Variants in C7 observed in about 807,000 individuals in gnomAD.
C7 encodes the protein complement C7.
A neutral mutation model predicts 104.8 loss-of-function variants in C7; 83 were observed. That is an observed-to-expected ratio of 0.79 (90% CI 0.66 to 0.95). The LOEUF is 0.95. Among genes scored for constraint, C7 ranks in the 40% least tolerant of loss-of-function variants. The probability of loss-of-function intolerance (pLI) is 0.00; values close to 1 mark genes in which losing one functional copy is unlikely to be tolerated. For missense variants in C7, 1,070 were observed against 1,011.2 expected (o/e 1.06, Z -0.79); for synonymous variants, 415 against 360.6 (o/e 1.15, Z -1.71).
chr5:40,971,119 T>G (rs1740689819), intron 14 of C7, among the ~76,000 whole-genome samples: 1 of 152,186 alleles, frequency 6.6e-6, no homozygotes. Context: ...GATTGCTGGG[T>G]CAAATGGTAT....
chr5:40,928,610 A>G lies in C7; in HGVS notation c.37A>G (p.Ile13Val), dbSNP rs763051988. 6.4e-7 allele frequency: 1 copy of G among 1,553,316 alleles called. No homozygotes were observed. Among genetic ancestry groups the G allele is most frequent in the South Asian group, 1.2e-5 (1 of 83,088 alleles). Reference sequence around the variant, plus strand: ...AAGCTTATTCATTTTGGTGGGATTTATAGGAGAGTTCCAAAGTTTTTCAAG... The same window carrying G: ...AAGCTTATTCATTTTGGTGGGATTTGTAGGAGAGTTCCAAAGTTTTTCAAG... ...VISLFILVGF[I>V]GEFQSFSSAS... Residue 13 changes from isoleucine (I) to valine (V), a missense_variant, in exon 2 of 18, where the codon ATA becomes GTA. By Grantham distance (29) the Ile-to-Val change is conservative. Transcript: ENST00000313164.
chr5:40,914,995 T>C (rs140996954), intron 1 of C7, among the ~76,000 whole-genome samples: 2 of 152,210 alleles, frequency 1.3e-5, no homozygotes, highest in African/African-American at 4.8e-5. Flanking sequence ...GAGAGAGTGC[T>C]TGACTGCAGG....
chr5:40,958,180 G>GGGA lies in C7; in HGVS notation c.1409_1411dup (p.Gly470_Thr471insArg). ...AAATGGTGGTTTGGCTACTGTTGAG[G>GGGA]GGACCCATTGTCTGTGCCATTGCAA... On this transcript the variant is annotated inframe_insertion, in exon 11 of 18. Transcript: ENST00000313164. 6.2e-7 allele frequency: 1 copy of GGGA among 1,613,774 alleles called. No individual in the cohort carries two copies. Among genetic ancestry groups the GGGA allele is most frequent in the South Asian group, 1.1e-5 (1 of 91,068 alleles).
chr5:40,949,804 C>T, intron 8 of C7, 100 bp from the exon 9 acceptor site: 2 of 725,056 alleles, frequency 2.8e-6, no homozygotes, highest in East Asian at 5.4e-5. Context: ...GATTAGATGG[C>T]CATAGTAGCA....
intron 6 of C7, 67 bp downstream of exon 6, chr5:40,937,757 T>C: frequency 7.7e-7 from 1 of 1,299,456 alleles, no homozygotes; most frequent in Non-Finnish European, 1.0e-6. Flanking sequence ...GATATTGACT[T>C]TTACGTATTT....
At chr5:40,930,312 TCTC>T (rs1739654457) in intron 2 of C7, among the ~76,000 whole-genome samples, 1 of 150,168 alleles carries the variant, frequency 6.7e-6, no homozygotes, top group Non-Finnish European at 1.5e-5. Context: ...TTCAAGCAAT[TCTC>T]CTGTCTCAGC....
At chr5:40,968,586 ATATATATATATATAT>A (rs1255187293) in intron 14 of C7, among the ~76,000 whole-genome samples, 46 of 76,446 alleles carry the variant, frequency 6.0e-4, no homozygotes, top group Admixed American at 8.5e-4. Flanking sequence ...ATATATATAT[ATATATATATATATAT>A]TTTTTTTTTT....
chr5:40,965,732 C>T (rs1385475862), intron 14 of C7, among the ~76,000 whole-genome samples: 2 of 151,198 alleles, frequency 1.3e-5, no homozygotes, highest in African/African-American at 4.9e-5. Flanking sequence ...ACCTCCACAT[C>T]CCAGGTTCAT....
At chr5:40,971,107 G>A (rs1407447760) in intron 14 of C7, among the ~76,000 whole-genome samples, 4 of 152,114 alleles carry the variant, frequency 2.6e-5, no homozygotes, top group Admixed American at 2.6e-4. Context: ...ACCCAGTAAC[G>A]GGATTGCTGG....
At chr5:40,940,208 C>G (rs1739906453) in intron 6 of C7, among the ~76,000 whole-genome samples, 1 of 152,192 alleles carries the variant, frequency 6.6e-6, no homozygotes, top group Non-Finnish European at 1.5e-5. Flanking sequence ...CGGCCAGTCT[C>G]TCTTATAATC....
chr5:40,979,588 G>C, intron 16 of C7, 137 bp from the exon 17 acceptor site: 3 of 623,682 alleles, frequency 4.8e-6, no homozygotes, highest in Non-Finnish European at 7.8e-6. Flanking sequence ...GGGGATTTGA[G>C]TTTCCACCTT....
chr5:40,956,345 T>C (rs2111657860), intron 10 of C7, among the ~76,000 whole-genome samples: 1 of 152,294 alleles, frequency 6.6e-6, no homozygotes, highest in South Asian at 2.1e-4. Context: ...CGACAGACAT[T>C]TGTAACAGCA....
chr5:40,926,242 C>A, intron 1 of C7, among the ~76,000 whole-genome samples: 1 of 152,150 alleles, frequency 6.6e-6, no homozygotes, highest in East Asian at 1.9e-4. Context: ...AAGTTAGGTA[C>A]AGAAGAAAAG....
rs190908138 is a variant in C7 at position 40,925,486 on chromosome 5, C to A, written c.7-3094C>A. ...AAATTTCAAGTTTTCTTTCATTTTT[C>A]TATCTTCTTTGGAGCCCTCCAAACT... On this transcript the variant is annotated intron_variant, in intron 1 of 17. Transcript: ENST00000313164. 9.1e-4 allele frequency among the ~76,000 whole-genome samples: 138 copies of A among 152,268 alleles called. 1 individual carries two copies. Among genetic ancestry groups the A allele is most frequent in the African/African-American group, 3.2e-3 (133 of 41,558 alleles).
rs892360335 is a variant in C7, at chr5:40,949,927, A to C, written c.1006A>C (p.Lys336Gln). ...QNDFNSVEEK[K>Q]CKSSGWHFVV... ...AGATTTTAATTCAGTCGAAGAAAAGAAATGTAAATCCTCAGGTTGGCATTT... is the reference window on the plus strand; with the variant it reads ...AGATTTTAATTCAGTCGAAGAAAAGCAATGTAAATCCTCAGGTTGGCATTT... Residue 336 changes from lysine (K) to glutamine (Q), a missense_variant, in exon 9 of 18, where the codon AAA becomes CAA. Physicochemically the swap from Lys to Gln is moderately conservative, Grantham distance 53. Coordinates refer to ENST00000313164, the MANE Select transcript of C7 (RefSeq NM_000587.4). 2 of 1,593,968 alleles carry C rather than the reference A, an allele frequency of 1.3e-6. No individual in the cohort carries two copies. The highest frequency in any genetic ancestry group is 2.7e-5 in the African/African-American group (2 of 74,632).
At chr5:40,918,336 G>A (rs759294079) in intron 1 of C7, among the ~76,000 whole-genome samples, 3 of 151,728 alleles carry the variant, frequency 2.0e-5, no homozygotes, top group Non-Finnish European at 4.4e-5. Context: ...CTCCAGCCTG[G>A]GCAAGAGAGG....
At chr5:40,928,906 T>G (rs1739614386) in intron 2 of C7, among the ~76,000 whole-genome samples, 3 of 152,238 alleles carry the variant, frequency 2.0e-5, no homozygotes, top group Admixed American at 6.5e-5. Flanking sequence ...TGGTTTTATC[T>G]GTAATGCAGA....
intron 10 of C7, among the ~76,000 whole-genome samples, 185 bp from the exon 11 acceptor site, chr5:40,957,846 TAA>T (rs541893563): frequency 3.6e-3 from 548 of 151,688 alleles, no homozygotes; most frequent in Middle Eastern, 0.014. Flanking sequence ...TAATTTTCCC[TAA>T]GTTTGTCTTG....
At chr5:40,953,268 T>A (rs1740215609) in intron 9 of C7, among the ~76,000 whole-genome samples, 1 of 152,074 alleles carries the variant, frequency 6.6e-6, no homozygotes, top group South Asian at 2.1e-4. Context: ...TAGAATAGAA[T>A]GATAATTATC....
Sources: allele counts gnomAD v4.1 joint callset (sites outside exome capture counted in the v4.1 genomes callset), GRCh38; gene constraint gnomAD v4.1.1; transcripts MANE v1.5; gene names NCBI Gene and HGNC (gene_info 2026-07-23, HGNC 2026-07-21).